Variants in ANKRD31 observed in about 807,000 individuals in gnomAD.
The protein encoded by ANKRD31 is ankyrin repeat domain-containing protein 31.
In ANKRD31, 147 loss-of-function variants were observed where a neutral mutation model predicts 186.0. That is an observed-to-expected ratio of 0.79 (90% CI 0.69 to 0.91). The LOEUF is 0.91. Ranked by LOEUF, ANKRD31 falls within the 40% of genes least tolerant of loss-of-function variation. The pLI is 0.00. For missense variants in ANKRD31, 1,986 were observed against 2,148.8 expected, an observed-to-expected ratio of 0.92 and a Z score of 1.50; for synonymous variants, 673 against 736.4, an observed-to-expected ratio of 0.91 and a Z score of 1.39.
intron 11 of ANKRD31, among the ~76,000 whole-genome samples, chr5:75,168,694 A>G (rs1279258245): frequency 6.6e-6 from 1 of 150,590 alleles, no homozygotes; most frequent in Non-Finnish European, 1.5e-5. Flanking sequence ...TCTAAACCCT[A>G]TAAAGCACCA....
chr5:75,131,261 G>A (rs758955701), intron 17 of ANKRD31, among the ~76,000 whole-genome samples: 24 of 152,348 alleles, frequency 1.6e-4, no homozygotes, highest in East Asian at 3.9e-4. Flanking sequence ...CCCCTGGAGC[G>A]TGGCAAGAGT....
intron 17 of ANKRD31, among the ~76,000 whole-genome samples, chr5:75,134,139 G>T (rs11896641): frequency 1.3e-5 from 2 of 151,974 alleles, no homozygotes; most frequent in Admixed American, 6.6e-5. Flanking sequence ...TCAAAAGCTA[G>T]CAGAAGACAA....
intron 22 of ANKRD31, among the ~76,000 whole-genome samples, chr5:75,096,909 C>A (rs1028136147): frequency 6.7e-6 from 1 of 149,924 alleles, no homozygotes; most frequent in Admixed American, 6.8e-5. Flanking sequence ...GAACATGCAG[C>A]GTTCGGTTTT....
chr5:75,230,576 C>G lies in ANKRD31; in HGVS notation c.164G>C (p.Arg55Thr). The change falls in exon 2 of 26, where the codon AGA becomes ACA. Residue 55 changes from arginine to threonine, a missense_variant. Arg to Thr is a moderately conservative substitution (Grantham distance 71, BLOSUM62 -1). Transcript: ENST00000506364. ...ATCATTCTCACCTTTGCACATTCCT[C>G]TTGTATCAGGATGCAGACTGAACTC... ...KSEFSLHPDT[R>T]GMCKGMPSPE... The G allele has an allele frequency of 6.5e-7, 1 of 1,536,584 alleles. No individual in the cohort carries two copies. Among genetic ancestry groups the G allele is most frequent in the South Asian group, 1.2e-5 (1 of 84,022 alleles).
intron 11 of ANKRD31, among the ~76,000 whole-genome samples, chr5:75,156,222 A>G (rs1344712416): frequency 6.6e-6 from 1 of 152,110 alleles, no homozygotes; most frequent in Non-Finnish European, 1.5e-5. Flanking sequence ...CAGGCTTTTA[A>G]AGAAGATATA....
intron 10 of ANKRD31, among the ~76,000 whole-genome samples, chr5:75,174,783 A>G (rs1753644781): frequency 6.6e-6 from 1 of 152,226 alleles, no homozygotes; most frequent in Admixed American, 6.5e-5. Context: ...TGTTGGTGGG[A>G]GTGTAAATTA....
At position 75,104,576 on chromosome 5, in the gene ANKRD31, A is replaced by G; in HGVS notation, c.4983T>C (p.Ile1661=). 1 of 1,536,166 alleles carries G rather than the reference A, an allele frequency of 6.5e-7. No individual in the cohort carries two copies. The highest frequency in any genetic ancestry group is 8.7e-7 in the Non-Finnish European group (1 of 1,146,490). The change falls in exon 22 of 26, where the codon ATT becomes ATC. Residue 1661 remains isoleucine (I), a synonymous_variant. Transcript: ENST00000506364. ...LAENAAHPSN[I]ICDQDLSNYD... The stretch of plus-strand genomic sequence containing the variant: ...AATTGGAAAGGTCCTGATCACAAAT[A>G]ATATTTGATGGATGGGCAGCATTTT...
chr5:75,130,066 T>G (rs1749641086), intron 17 of ANKRD31, among the ~76,000 whole-genome samples: 1 of 152,172 alleles, frequency 6.6e-6, no homozygotes, highest in Non-Finnish European at 1.5e-5. Flanking sequence ...CAGAGTTTGT[T>G]CCTTCTGATG....
At chr5:75,116,720 C>A in intron 18 of ANKRD31, 39 bp from the exon 19 acceptor site, 1 of 1,201,330 alleles carries the variant, frequency 8.3e-7, no homozygotes, top group African/African-American at 1.5e-5. Context: ...TAAGAATGTG[C>A]AAAAATATAG....
chr5:75,213,528 G>A (rs191064245), intron 3 of ANKRD31, among the ~76,000 whole-genome samples: 1 of 152,306 alleles, frequency 6.6e-6, no homozygotes, highest in East Asian at 1.9e-4. Flanking sequence ...GAATACAAGT[G>A]GGGGCTGGAG....
At position 75,117,857 on chromosome 5, in the gene ANKRD31, TC is replaced by T. The variant is rs1236952517; in HGVS notation, c.4039+277del. Among the ~76,000 whole-genome samples, 3 of 152,138 alleles carry T rather than the reference TC, an allele frequency of 2.0e-5. No homozygotes were observed. In the East Asian group the frequency reaches 5.8e-4, roughly 29 times the overall value. On this transcript the variant is annotated intron_variant, in intron 18 of 25. Transcript: ENST00000506364. ...TGATCTGCCTGGCTTCAATTACATC[TC>T]TATCTCAAACCCAATGTTAGGGACA...
chr5:75,120,500 A>T (rs963360966), intron 17 of ANKRD31, among the ~76,000 whole-genome samples: 1 of 152,222 alleles, frequency 6.6e-6, no homozygotes, highest in Non-Finnish European at 1.5e-5. Flanking sequence ...GTTAAAATGG[A>T]GACATACTAT....
chr5:75,102,085 G>A (rs4515280), intron 22 of ANKRD31, among the ~76,000 whole-genome samples: 4,278 of 152,250 alleles, frequency 0.028, 203 homozygotes, highest in African/African-American at 0.098. Context: ...GGTCTTTGAT[G>A]ATGGTGACAT....
chr5:75,199,166 C>T (rs965206664), intron 6 of ANKRD31, among the ~76,000 whole-genome samples: 3 of 152,132 alleles, frequency 2.0e-5, no homozygotes, highest in East Asian at 1.9e-4. Flanking sequence ...TATGATCGCA[C>T]AACTGTACTC....
intron 23 of ANKRD31, among the ~76,000 whole-genome samples, chr5:75,089,370 A>G (rs917302045): frequency 1.3e-5 from 2 of 152,188 alleles, no homozygotes; most frequent in African/African-American, 4.8e-5. Flanking sequence ...TGTCAGATAC[A>G]GGGCAATACC....
At chr5:75,215,840 G>A (rs181549324) in intron 3 of ANKRD31, among the ~76,000 whole-genome samples, 275 of 151,710 alleles carry the variant, frequency 1.8e-3, no homozygotes, top group African/African-American at 5.7e-3. Context: ...AAAACTCTGA[G>A]AAAGTACCTT....
chr5:75,179,157 A>G (rs1754068830), intron 10 of ANKRD31, among the ~76,000 whole-genome samples: 1 of 152,148 alleles, frequency 6.6e-6, no homozygotes. Context: ...ATTCCTCGAC[A>G]CATACACCCT....
rs1224423383 is a variant in ANKRD31 at position 75,195,687 on chromosome 5, A to G, written c.961T>C (p.Leu321=). The G allele has an allele frequency of 6.5e-7, 1 of 1,537,240 alleles. No individual in the cohort carries two copies. The highest frequency in any genetic ancestry group is 8.7e-7 in the Non-Finnish European group (1 of 1,146,786). Residue 321 remains leucine (L), a synonymous_variant, in exon 7 of 26, where the codon TTA becomes CTA. Coordinates refer to ENST00000506364, the MANE Select transcript of ANKRD31 (RefSeq NM_001372053.1). ...TGAGACGTATTGAACTCCACTTCTA[A>G]ACATTCATTTCTGGCAATGAGACTG... ...GSSLIARNEC[L]EVEFNTSQTN...
At chr5:75,161,048 C>T (rs1018570572) in intron 11 of ANKRD31, among the ~76,000 whole-genome samples, 2 of 152,072 alleles carry the variant, frequency 1.3e-5, no homozygotes, top group East Asian at 3.8e-4. Flanking sequence ...TAAATTGGTA[C>T]CAGTAGAGTG....
Sources: allele counts gnomAD v4.1 joint callset (sites outside exome capture counted in the v4.1 genomes callset), GRCh38; gene constraint gnomAD v4.1.1; transcripts MANE v1.5; gene names NCBI Gene and HGNC (gene_info 2026-07-23, HGNC 2026-07-21).